Variants in SYT1 observed in about 807,000 individuals in gnomAD.
SYT1 encodes synaptotagmin 1.
Under a neutral mutation model 44.8 loss-of-function variants are expected in SYT1, and 8 were observed. The observed-to-expected ratio is 0.18, with a 90% CI of 0.10 to 0.32. The LOEUF is 0.32. SYT1 is among the 10% of genes least tolerant of loss of function. The pLI is 1.00. For synonymous variants in SYT1, 154 were observed against 188.8 expected (o/e 0.82, Z 1.51); for missense variants, 286 against 509.3 (o/e 0.56, Z 4.22).
intron 2 of SYT1, among the ~76,000 whole-genome samples, chr12:78,983,282 C>T (rs1401282537): frequency 6.6e-6 from 1 of 151,852 alleles, no homozygotes; most frequent in Non-Finnish European, 1.5e-5. Context: ...AAATTTGATC[C>T]GTATAGCCAG....
chr12:79,337,656 T>G (rs1414244196), intron 8 of SYT1, among the ~76,000 whole-genome samples: 1 of 151,934 alleles, frequency 6.6e-6, no homozygotes, highest in Non-Finnish European at 1.5e-5. Flanking sequence ...ATTATGCTTC[T>G]CAGAGTTAAA....
chr12:79,444,780 G>A (rs1301099264), intron 10 of SYT1, among the ~76,000 whole-genome samples: 2 of 151,890 alleles, frequency 1.3e-5, no homozygotes, highest in Non-Finnish European at 2.9e-5. Flanking sequence ...AATTATGAAG[G>A]GAAATATTCT....
At chr12:79,329,684 A>C (rs1239188406) in intron 8 of SYT1, among the ~76,000 whole-genome samples, 1 of 152,158 alleles carries the variant, frequency 6.6e-6, no homozygotes, top group African/African-American at 2.4e-5. Flanking sequence ...AATCTGCACA[A>C]GGTCACCTAT....
At chr12:79,066,446 T>G (rs1273073860) in intron 3 of SYT1, among the ~76,000 whole-genome samples, 1 of 150,834 alleles carries the variant, frequency 6.6e-6, no homozygotes, top group Admixed American at 6.6e-5. Flanking sequence ...TTTATGCCTC[T>G]GATTAACATT....
At chr12:78,984,804 A>G (rs1869524541) in intron 2 of SYT1, among the ~76,000 whole-genome samples, 1 of 152,006 alleles carries the variant, frequency 6.6e-6, no homozygotes, top group African/African-American at 2.4e-5. Flanking sequence ...GTATTTAAAT[A>G]GAAACATAAC....
At chr12:79,030,627 A>C (rs189259244) in intron 2 of SYT1, among the ~76,000 whole-genome samples, 5 of 151,098 alleles carry the variant, frequency 3.3e-5, no homozygotes, top group Non-Finnish European at 3.0e-5. Flanking sequence ...TGAAAGCAGA[A>C]ATTTCTTGAG....
At chr12:78,996,552 T>C (rs573280210) in intron 2 of SYT1, among the ~76,000 whole-genome samples, 1 of 152,304 alleles carries the variant, frequency 6.6e-6, no homozygotes, top group East Asian at 1.9e-4. Context: ...GTCAAGGGTA[T>C]TCTTTAAGGT....
intron 9 of SYT1, among the ~76,000 whole-genome samples, chr12:79,358,986 T>C (rs1452128711): frequency 6.6e-6 from 1 of 152,220 alleles, no homozygotes; most frequent in Non-Finnish European, 1.5e-5. Context: ...GGCAGATTCC[T>C]CTTCTTGCCT....
At chr12:79,382,397 G>A (rs541941973) in intron 9 of SYT1, among the ~76,000 whole-genome samples, 1 of 152,078 alleles carries the variant, frequency 6.6e-6, no homozygotes, top group South Asian at 2.1e-4. Context: ...TGACTTCAAG[G>A]AATTTATATT....
In SYT1 at chr12:79,363,162, T is replaced by C. The variant is rs138111831; in HGVS notation, c.928+9543T>C. ...AAATAAGGAGGGTCAGAATTTCTAA[T>C]AGGTAATTGCACTGGGAGGAATAGA... On this transcript the variant is annotated intron_variant, in intron 9 of 10. Transcript: ENST00000261205. 3.0e-3 allele frequency among the ~76,000 whole-genome samples: 450 copies of C among 152,224 alleles called. 1 individual carries two copies. Among genetic ancestry groups the C allele is most frequent in the African/African-American group, 0.01 (431 of 41,532 alleles).
chr12:78,995,241 T>C (rs1364851555), intron 2 of SYT1, among the ~76,000 whole-genome samples: 2 of 152,340 alleles, frequency 1.3e-5, no homozygotes, highest in Admixed American at 6.5e-5. Flanking sequence ...TTTGACCTCA[T>C]TGAAACCAGG....
At position 79,224,933 on chromosome 12, in the gene SYT1, C is replaced by T. The variant is rs937766517; in HGVS notation, c.166+7248C>T. Among the ~76,000 whole-genome samples the T allele has an allele frequency of 2.9e-4, 44 of 151,916 alleles. 1 individual carries two copies. Among genetic ancestry groups the T allele is most frequent in the African/African-American group, 9.4e-4 (39 of 41,490 alleles). On this transcript the variant is annotated intron_variant, in intron 4 of 10. Coordinates refer to ENST00000261205, the MANE Select transcript of SYT1 (RefSeq NM_005639.3). ...TAGCTGGGATTACAGGCATACACCA[C>T]CACGCCTGGCTAATTTTTTGTATTT... is the stretch of plus-strand genomic sequence containing the variant.
At chr12:79,179,393 G>GATATATCTATATAT in intron 3 of SYT1, among the ~76,000 whole-genome samples, 1 of 58,548 alleles carries the variant, frequency 1.7e-5, no homozygotes, top group Admixed American at 2.0e-4. Flanking sequence ...TATCGATATA[G>GATATATCTATATAT]ATATCCATAT....
chr12:78,914,655 G>A (rs1876545255), intron 1 of SYT1, among the ~76,000 whole-genome samples: 1 of 151,886 alleles, frequency 6.6e-6, no homozygotes, highest in South Asian at 2.1e-4. Context: ...TACAGCTCAG[G>A]CTGATTTGAC....
At chr12:78,939,908 G>A (rs377357781) in intron 1 of SYT1, among the ~76,000 whole-genome samples, 6 of 152,084 alleles carry the variant, frequency 3.9e-5, no homozygotes, top group African/African-American at 1.4e-4. Flanking sequence ...CATTTTTAGT[G>A]TATCCTGTCT....
Position 79,296,267 on chromosome 12 carries a change from C to T in SYT1, c.642+31C>T, listed in dbSNP as rs1011336528. On this transcript the variant is annotated intron_variant, in intron 7 of 10. Transcript: ENST00000261205. The stretch of plus-strand genomic sequence containing the variant: ...TGTTAACATTTATTTATAACCTTTC[C>T]TTTGTTGTTTTACTTAAAAGACTGA... 4.4e-6 allele frequency: 7 copies of T among 1,593,618 alleles called. No individual in the cohort carries two copies. The Admixed American group carries it at 1.2e-4, about 27-fold the overall frequency.
At chr12:79,370,606 C>G (rs1457529922) in intron 9 of SYT1, among the ~76,000 whole-genome samples, 1 of 151,930 alleles carries the variant, frequency 6.6e-6, no homozygotes, top group Non-Finnish European at 1.5e-5. Flanking sequence ...ACTAAAAATA[C>G]AAAAAATTTA....
chr12:78,995,249 A>G (rs529428498), intron 2 of SYT1, among the ~76,000 whole-genome samples: 1 of 152,352 alleles, frequency 6.6e-6, no homozygotes, highest in East Asian at 1.9e-4. Context: ...CATTGAAACC[A>G]GGCCCAAACT....
At chr12:79,138,605 A>G (rs1169872440) in intron 3 of SYT1, among the ~76,000 whole-genome samples, 12 of 152,244 alleles carry the variant, frequency 7.9e-5, no homozygotes, top group Non-Finnish European at 1.5e-5. Flanking sequence ...AATGTAATGC[A>G]ATTCACAGGA....
Sources: gnomAD v4.1 joint callset for allele counts (sites outside exome capture counted in the v4.1 genomes callset) on GRCh38, gnomAD v4.1.1 for gene constraint, MANE v1.5 for transcripts, NCBI Gene and HGNC (gene_info 2026-07-23, HGNC 2026-07-21) for gene names.